The following KCNH7 variants were observed in gnomAD, a reference collection of about 807,000 sequenced individuals.
KCNH7 encodes the protein potassium voltage-gated channel subfamily H member 7, also known as voltage-gated inwardly rectifying potassium channel KCNH7.
A neutral mutation model predicts 120.8 loss-of-function variants in KCNH7; 49 were observed. The observed-to-expected ratio is 0.41, with a 90% confidence interval of 0.32 to 0.51. The LOEUF (loss-of-function observed/expected upper bound fraction) is 0.51, where lower values mean the gene tolerates loss of function less well. Ranked by LOEUF, KCNH7 falls within the 20% of genes least tolerant of loss-of-function variation. The pLI is 0.38. For synonymous variants in KCNH7, 547 were observed against 516.1 expected (o/e 1.06, Z -0.81); for missense variants, 1,097 against 1,446.6 (o/e 0.76, Z 3.92).
chr2:162,680,676 T>C lies in KCNH7; in HGVS notation c.308-143596A>G, dbSNP rs190147678. Among the ~76,000 whole-genome samples the C allele has an allele frequency of 4.1e-4, 63 of 151,898 alleles. 2 individuals are homozygous for C. The highest frequency in any genetic ancestry group is 2.0e-3 in the Admixed American group (31 of 15,178). The stretch of plus-strand genomic sequence containing the variant: ...AAATGTAAATACATATCATTAGAAG[T>C]CTGATTCTGGAGTCAGGGTCTTGGG... On this transcript the variant is annotated intron_variant, in intron 2 of 15. Transcript: ENST00000332142.
chr2:162,630,131 C>T (rs1279843431), intron 2 of KCNH7, among the ~76,000 whole-genome samples: 1 of 152,022 alleles, frequency 6.6e-6, no homozygotes, highest in Non-Finnish European at 1.5e-5. Context: ...CTGGAAAGGT[C>T]ATCCCATAGG....
chr2:162,784,825 A>G (rs537948233), intron 2 of KCNH7: 5 of 152,348 alleles, frequency 3.3e-5, no homozygotes, highest in African/African-American at 4.8e-5. Flanking sequence ...CTTTGGATAC[A>G]CTATTGTTTT....
At chr2:162,483,946 G>T (rs1042957420) in intron 6 of KCNH7, among the ~76,000 whole-genome samples, 1 of 152,098 alleles carries the variant, frequency 6.6e-6, no homozygotes, top group African/African-American at 2.4e-5. Flanking sequence ...AGCATACAGG[G>T]ATTAAAATGG....
At chr2:162,675,046 C>A (rs990622859) in intron 2 of KCNH7, among the ~76,000 whole-genome samples, 1 of 151,102 alleles carries the variant, frequency 6.6e-6, no homozygotes, top group Non-Finnish European at 1.5e-5. Flanking sequence ...GTATTTATAG[C>A]AAATAACTAA....
At chr2:162,538,590 C>T (rs551381021) in intron 2 of KCNH7, among the ~76,000 whole-genome samples, 1 of 151,994 alleles carries the variant, frequency 6.6e-6, no homozygotes, top group Non-Finnish European at 1.5e-5. Flanking sequence ...ATGCAAGTAT[C>T]CCAAATGGTG....
chr2:162,666,880 T>G (rs1254223948), intron 2 of KCNH7, among the ~76,000 whole-genome samples: 1 of 152,180 alleles, frequency 6.6e-6, no homozygotes, highest in Admixed American at 6.5e-5. Context: ...TCTTTTATTT[T>G]GATCTTTAGT....
In KCNH7 at chr2:162,404,996, T is replaced by C. The variant is rs548927024; in HGVS notation, c.2155-4555A>G. Among the ~76,000 whole-genome samples the C allele has an allele frequency of 2.5e-3, 387 of 152,152 alleles. 7 individuals are homozygous for C. Among genetic ancestry groups the C allele is most frequent in the African/African-American group, 8.8e-3 (364 of 41,554 alleles). On this transcript the variant is annotated intron_variant, in intron 9 of 15. Coordinates refer to ENST00000332142, the MANE Select transcript of KCNH7 (RefSeq NM_033272.4). ...TTATATTGTACATTTATAATACTAATGATTGTTCAAAGAAATTCTCAAGGT... is the reference window on the plus strand; with the variant it reads ...TTATATTGTACATTTATAATACTAACGATTGTTCAAAGAAATTCTCAAGGT...
At chr2:162,545,743 T>A (rs1162318339) in intron 2 of KCNH7, among the ~76,000 whole-genome samples, 5 of 152,168 alleles carry the variant, frequency 3.3e-5, no homozygotes, top group African/African-American at 2.4e-5. Context: ...TCAGGTTTTA[T>A]AACATAAAAG....
At chr2:162,608,160 A>C (rs576193743) in intron 2 of KCNH7, among the ~76,000 whole-genome samples, 1 of 152,320 alleles carries the variant, frequency 6.6e-6, no homozygotes, top group Admixed American at 6.5e-5. Flanking sequence ...CCTGACTCCT[A>C]TGTGTTCACC....
At chr2:162,566,996 C>T (rs1452351915) in intron 2 of KCNH7, among the ~76,000 whole-genome samples, 3 of 151,902 alleles carry the variant, frequency 2.0e-5, no homozygotes, top group Non-Finnish European at 4.4e-5. Flanking sequence ...CAATTTTTCA[C>T]TGAAGAAAGG....
chr2:162,816,048 C>T (rs781038477), intron 2 of KCNH7, among the ~76,000 whole-genome samples: 2 of 152,000 alleles, frequency 1.3e-5, no homozygotes, highest in African/African-American at 4.8e-5. Context: ...CACCTGAGGT[C>T]GGGAGTTCGA....
At chr2:162,681,277 C>A (rs1263517854) in intron 2 of KCNH7, among the ~76,000 whole-genome samples, 1 of 151,542 alleles carries the variant, frequency 6.6e-6, no homozygotes, top group Non-Finnish European at 1.5e-5. Context: ...AGTAGTGATG[C>A]GGAATGCAGT....
chr2:162,535,892 G>T (rs75621425), intron 3 of KCNH7, among the ~76,000 whole-genome samples: 11,970 of 151,802 alleles, frequency 0.079, 1,599 homozygotes, highest in African/African-American at 0.27. Context: ...TGTAATAAAG[G>T]TGGCATCTTA....
At chr2:162,438,885 A>G (rs886979895) in intron 7 of KCNH7, among the ~76,000 whole-genome samples, 3 of 152,140 alleles carry the variant, frequency 2.0e-5, no homozygotes, top group African/African-American at 7.2e-5. Flanking sequence ...AATAGAGAGA[A>G]GTGATTGCAT....
At chr2:162,437,455 T>G (rs757218120) in intron 7 of KCNH7, among the ~76,000 whole-genome samples, 12 of 152,184 alleles carry the variant, frequency 7.9e-5, no homozygotes, top group Admixed American at 7.2e-4. Flanking sequence ...TAAATTATTA[T>G]TGGCTGGATC....
chr2:162,463,182 T>A (rs1689200110), intron 6 of KCNH7, among the ~76,000 whole-genome samples: 1 of 152,004 alleles, frequency 6.6e-6, no homozygotes, highest in Non-Finnish European at 1.5e-5. Context: ...TTTTTGGAGA[T>A]CTGACAAGCT....
intron 7 of KCNH7, among the ~76,000 whole-genome samples, chr2:162,441,435 C>G (rs1362980885): frequency 6.6e-6 from 1 of 152,028 alleles, no homozygotes; most frequent in Non-Finnish European, 1.5e-5. Context: ...AATTTTCCCT[C>G]AAAGAGCACA....
intron 2 of KCNH7, among the ~76,000 whole-genome samples, chr2:162,775,883 T>C (rs1683216677): frequency 6.6e-6 from 1 of 152,206 alleles, no homozygotes; most frequent in Non-Finnish European, 1.5e-5. Flanking sequence ...TTAAAGTACC[T>C]AGGCACATGC....
At chr2:162,730,546 G>A (rs912901232) in intron 2 of KCNH7, among the ~76,000 whole-genome samples, 1 of 151,882 alleles carries the variant, frequency 6.6e-6, no homozygotes, top group Non-Finnish European at 1.5e-5. Flanking sequence ...TTACAAATCT[G>A]AATAACAAAT....
Sources: allele counts gnomAD v4.1 joint callset (sites outside exome capture counted in the v4.1 genomes callset), GRCh38; gene constraint gnomAD v4.1.1; transcripts MANE v1.5; gene names NCBI Gene and HGNC (gene_info 2026-07-23, HGNC 2026-07-21).